Variants in TOMM20L observed in about 807,000 individuals in gnomAD.
TOMM20L encodes TOMM20-like protein 1.
In TOMM20L, 19 loss-of-function variants were observed where a neutral mutation model predicts 20.4. The observed-to-expected ratio is 0.93, with a 90% CI of 0.65 to 1.36. The LOEUF (loss-of-function observed/expected upper bound fraction) is 1.36, where lower values mean the gene tolerates loss of function less well. TOMM20L is among the 40% of genes most tolerant of loss of function. The pLI is 0.00. For missense variants in TOMM20L, 218 were observed against 203.7 expected, an observed-to-expected ratio of 1.07 and a Z score of -0.43; for synonymous variants, 75 against 79.6, an observed-to-expected ratio of 0.94 and a Z score of 0.30.
downstream of TOMM20L, among the ~76,000 whole-genome samples, chr14:58,413,694 A>G (rs902539086): frequency 1.3e-5 from 2 of 152,202 alleles, no homozygotes; most frequent in Admixed American, 1.3e-4. Flanking sequence ...AAAAAGGTTG[A>G]GCATTTCATA....
At chr14:58,408,986 A>G, downstream of TOMM20L, 1 of 1,588,732 alleles carries the variant, frequency 6.3e-7, no homozygotes, top group Non-Finnish European at 8.5e-7. Flanking sequence ...TTTCCAATAA[A>G]GCAGCTGTTG....
chr14:58,400,702 A>T (rs1156860552), intron 2 of TOMM20L, among the ~76,000 whole-genome samples: 2 of 151,866 alleles, frequency 1.3e-5, no homozygotes, highest in African/African-American at 4.8e-5. Flanking sequence ...ACATGGTGAA[A>T]CCCCGTCTCT....
intron 2 of TOMM20L, 57 bp downstream of exon 2, chr14:58,396,398 G>C (rs2140298176): frequency 4.4e-6 from 7 of 1,600,818 alleles, no homozygotes; most frequent in Non-Finnish European, 6.0e-6. Context: ...GGGCTCGCTG[G>C]GTTGCTTGGC....
chr14:58,410,759 A>G (rs1430690098), downstream of TOMM20L: 9 of 913,516 alleles, frequency 9.9e-6, no homozygotes, highest in South Asian at 1.7e-5. Flanking sequence ...TGTAATAAGT[A>G]GGAACAAGTG....
At chr14:58,412,672 A>T (rs1387601639), downstream of TOMM20L, among the ~76,000 whole-genome samples, 2 of 152,112 alleles carry the variant, frequency 1.3e-5, no homozygotes, top group East Asian at 3.9e-4. Context: ...AGGCCAAGAC[A>T]TGTGGATCAC....
chr14:58,396,132 A>G, intron 1 of TOMM20L, 39 bp downstream of exon 1: 1 of 1,276,432 alleles, frequency 7.8e-7, no homozygotes, highest in Non-Finnish European at 9.9e-7. Context: ...CGGGCCGGGC[A>G]GCGCGGGCGG....
At position 58,396,360 on chromosome 14, in the gene TOMM20L, G is replaced by C. The variant is rs142688344; in HGVS notation, c.180+19G>C. On this transcript the variant is annotated intron_variant, in intron 2 of 4. Transcript: ENST00000360945. ...CACGCAGGTGCAGTGCTTTCGATCC[G>C]CACAGGTAGCTCAGTAGACGCAGGT... 573 of 1,612,768 alleles carry C rather than the reference G, an allele frequency of 3.6e-4. 3 individuals carry two copies. The African/African-American group carries it at 6.4e-3, about 18-fold the overall frequency.
At position 58,395,967 on chromosome 14, in the gene TOMM20L, G is replaced by A. The variant is rs961022332; in HGVS notation, c.10G>A (p.Val4Ile). The change falls in exon 1 of 5, where the codon GTC (valine) becomes ATC (isoleucine). Residue 4 changes from valine to isoleucine, a missense_variant. By Grantham distance (29) the Val-to-Ile change is conservative (BLOSUM62 3). Transcript: ENST00000360945. MPS[V>I]RSLLRLLAAA... ...GGACGCCCGCGGTCGGATGCCCTCC[G>A]TCCGCTCCCTCCTCCGCCTCTTGGC... 1.7e-5 allele frequency: 24 copies of A among 1,444,092 alleles called. No individual in the cohort carries two copies. Among genetic ancestry groups the A allele is most frequent in the Non-Finnish European group, 2.1e-5 (23 of 1,091,402 alleles). 89.5% of individuals were successfully genotyped at this position (1,444,092 alleles called of 1,614,324 possible).
At chr14:58,399,729 A>G (rs971383903) in intron 2 of TOMM20L, among the ~76,000 whole-genome samples, 1 of 151,368 alleles carries the variant, frequency 6.6e-6, no homozygotes, top group Non-Finnish European at 1.5e-5. Flanking sequence ...AAGTAAATTC[A>G]TCATCTCCCC....
intron 2 of TOMM20L, among the ~76,000 whole-genome samples, chr14:58,401,804 G>C (rs1042917435): frequency 6.6e-6 from 1 of 152,058 alleles, no homozygotes; most frequent in African/African-American, 2.4e-5. Flanking sequence ...TGAACCAACC[G>C]CAGTAAACCA....
intron 4 of TOMM20L, 44 bp from the exon 5 acceptor site, chr14:58,408,485 T>C: frequency 6.4e-7 from 1 of 1,564,636 alleles, no homozygotes; most frequent in Non-Finnish European, 8.8e-7. Flanking sequence ...AAAAGGATCA[T>C]GCATTGAAAT....
intron 2 of TOMM20L, among the ~76,000 whole-genome samples, chr14:58,397,570 G>C (rs1033526036): frequency 6.6e-5 from 10 of 152,214 alleles, no homozygotes; most frequent in African/African-American, 2.4e-4. Context: ...TTGTGGCTTG[G>C]TTTCAGGGGA....
chr14:58,399,929 T>TATATATATATA (rs2035972935), intron 2 of TOMM20L, among the ~76,000 whole-genome samples: 32 of 131,864 alleles, frequency 2.4e-4, no homozygotes, highest in Admixed American at 3.1e-4. Flanking sequence ...TATATATATA[T>TATATATATATA]TCCACTTGTC....
At chr14:58,412,117 A>T (rs1159410390), downstream of TOMM20L, 2 of 584,592 alleles carry the variant, frequency 3.4e-6, no homozygotes, top group African/African-American at 3.8e-5. Flanking sequence ...ATCATTAATG[A>T]CCATAGAACC....
downstream of TOMM20L, chr14:58,409,153 G>A: frequency 6.2e-7 from 1 of 1,613,544 alleles, no homozygotes; most frequent in African/African-American, 1.3e-5. Context: ...TGTAAGCAAT[G>A]TTCTGAACAG....
chr14:58,416,017 A>G, the TOMM20L span, among the ~76,000 whole-genome samples: 10 of 151,348 alleles, frequency 6.6e-5, no homozygotes, highest in African/African-American at 2.4e-4. Flanking sequence ...GGAGTTCATG[A>G]CCAGCCTGGT....
In TOMM20L at chr14:58,396,051, A is replaced by G; in HGVS notation, c.94A>G (p.Lys32Glu). The G allele has an allele frequency of 7.0e-7, 1 of 1,421,818 alleles. No individual in the cohort carries two copies. Among genetic ancestry groups the G allele is most frequent in the Non-Finnish European group, 9.2e-7 (1 of 1,083,212 alleles). The allele number at this position is 1,421,818 out of a possible 1,614,324, so 88.1% of individuals were successfully genotyped here. A position where few individuals can be genotyped will look rare whatever the true frequency, so the allele number is the denominator to read the frequency against. Reference sequence around the variant, plus strand: ...GGGCTATTGTATTTACCTCAACCGGAAGCGGCGCGGGGACCCCGCGTTCAA... The same window carrying G: ...GGGCTATTGTATTTACCTCAACCGGGAGCGGCGCGGGGACCCCGCGTTCAA... ...FLGYCIYLNR[K>E]RRGDPAFKRR... Residue 32 changes from lysine to glutamate, a missense_variant, in exon 1 of 5, where the codon AAG (lysine) becomes GAG (glutamate). Lys to Glu is a moderately conservative substitution (Grantham distance 56). Transcript: ENST00000360945.
downstream of TOMM20L, among the ~76,000 whole-genome samples, chr14:58,409,382 G>A (rs763080513): frequency 6.6e-6 from 1 of 152,068 alleles, no homozygotes; most frequent in Non-Finnish European, 1.5e-5. Context: ...CCAGTTTGTA[G>A]TCACTAAGAG....
chr14:58,409,003 T>G (rs976915897), downstream of TOMM20L: 3 of 1,592,574 alleles, frequency 1.9e-6, no homozygotes, highest in Admixed American at 1.9e-5. Context: ...GTTGGCAATC[T>G]TTCATCAAAA....
Sources: allele counts gnomAD v4.1 joint callset (sites outside exome capture counted in the v4.1 genomes callset), GRCh38; gene constraint gnomAD v4.1.1; transcripts MANE v1.5; gene names NCBI Gene and HGNC (gene_info 2026-07-23, HGNC 2026-07-21).